The following CPEB1 variants were observed in gnomAD, a reference collection of about 807,000 sequenced individuals.
CPEB1 encodes cytoplasmic polyadenylation element-binding protein 1.
A neutral mutation model predicts 65.8 loss-of-function variants in CPEB1; 7 were observed. The ratio of observed to expected loss-of-function variants is 0.11; its 90% CI spans 0.06 to 0.20. The LOEUF (loss-of-function observed/expected upper bound fraction) is 0.20, where lower values mean the gene tolerates loss of function less well. Among genes scored for constraint, CPEB1 ranks in the 10% least tolerant of loss-of-function variants. The probability of loss-of-function intolerance (pLI) is 1.00; values close to 1 mark genes in which losing one functional copy is unlikely to be tolerated. For missense variants in CPEB1, 551 were observed against 712.2 expected (o/e 0.77, Z 2.58); for synonymous variants, 262 against 260.0 (o/e 1.01, Z -0.08).
intron 1 of CPEB1, among the ~76,000 whole-genome samples, chr15:82,637,309 C>T (rs1430764040): frequency 6.6e-6 from 1 of 152,168 alleles, no homozygotes; most frequent in African/African-American, 2.4e-5. Flanking sequence ...CATTACTATC[C>T]TTTTTCTGCA....
intron 1 of CPEB1, among the ~76,000 whole-genome samples, chr15:82,631,634 A>C (rs776354993): frequency 6.6e-5 from 10 of 152,178 alleles, no homozygotes; most frequent in South Asian, 2.1e-4. Context: ...AGAGGCCACC[A>C]CAGGGATCCT....
intron 1 of CPEB1, among the ~76,000 whole-genome samples, chr15:82,646,826 T>C (rs983844143): frequency 3.9e-5 from 6 of 152,006 alleles, no homozygotes; most frequent in Non-Finnish European, 2.9e-5. Context: ...TGAGGACCCC[T>C]TTGTGGGTGA....
At chr15:82,628,608 G>C (rs2045971339) in intron 1 of CPEB1, 52 bp from the exon 2 acceptor site, 1 of 593,966 alleles carries the variant, frequency 1.7e-6, no homozygotes, top group African/African-American at 1.9e-5. Context: ...CATTTTTACA[G>C]AAATGAAAAA....
chr15:82,562,285 C>A, intron 4 of CPEB1: 1 of 445,566 alleles, frequency 2.2e-6, no homozygotes, highest in Non-Finnish European at 4.5e-6. Context: ...GAAGTCCCTG[C>A]TTTAGGACCT....
chr15:82,606,181 G>A (rs2043568143), intron 3 of CPEB1, among the ~76,000 whole-genome samples: 1 of 151,774 alleles, frequency 6.6e-6, no homozygotes, highest in African/African-American at 2.4e-5. Flanking sequence ...TAAGATGCTA[G>A]TTCCAGCTGG....
At chr15:82,553,316 A>G in intron 8 of CPEB1, 151 bp downstream of exon 8, 1 of 629,942 alleles carries the variant, frequency 1.6e-6, no homozygotes, top group African/African-American at 1.8e-5. Flanking sequence ...GTTGAAGAGA[A>G]AGTGCTGACA....
intron 1 of CPEB1, among the ~76,000 whole-genome samples, chr15:82,643,320 C>G (rs781103936): frequency 3.9e-5 from 6 of 152,150 alleles, no homozygotes; most frequent in Non-Finnish European, 7.4e-5. Flanking sequence ...TCTGAATATG[C>G]TTTTTACTCC....
intron 1 of CPEB1, chr15:82,629,802 T>TA: frequency 1.0e-6 from 1 of 985,438 alleles, no homozygotes. Flanking sequence ...TTTGGCCTAC[T>TA]AAAATCCAAG....
chr15:82,562,318 A>G (rs958863398), intron 4 of CPEB1: 1 of 420,712 alleles, frequency 2.4e-6, no homozygotes, highest in African/African-American at 2.1e-5. Context: ...TCTTAAATCT[A>G]TCTAGGGCCT....
chr15:82,562,635 T>A (rs1470422903), intron 4 of CPEB1, among the ~76,000 whole-genome samples: 2 of 150,078 alleles, frequency 1.3e-5, no homozygotes, highest in East Asian at 2.0e-4. Flanking sequence ...AGACCAGGAG[T>A]TCAAGACCAC....
chr15:82,580,626 GCTT>G (rs1017339609), intron 3 of CPEB1, among the ~76,000 whole-genome samples: 40 of 152,016 alleles, frequency 2.6e-4, no homozygotes, highest in African/African-American at 8.9e-4. Context: ...CACCTCTAGA[GCTT>G]TTTTTACGCT....
intron 3 of CPEB1, among the ~76,000 whole-genome samples, chr15:82,588,923 G>A (rs2042011056): frequency 6.6e-6 from 1 of 152,162 alleles, no homozygotes; most frequent in Non-Finnish European, 1.5e-5. Flanking sequence ...TATCTTTCAT[G>A]TTAATTGTCC....
At chr15:82,586,796 T>C (rs192269262) in intron 3 of CPEB1, among the ~76,000 whole-genome samples, 12 of 152,342 alleles carry the variant, frequency 7.9e-5, no homozygotes, top group Admixed American at 7.2e-4. Context: ...TGCACAGGTG[T>C]GAATTCAAGA....
intron 1 of CPEB1, chr15:82,629,222 C>G: frequency 1.0e-6 from 1 of 978,040 alleles, no homozygotes; most frequent in Non-Finnish European, 1.2e-6. Flanking sequence ...AAAAAGGATA[C>G]CAACTTTTTG....
chr15:82,625,822 A>G (rs1434355799), intron 3 of CPEB1, among the ~76,000 whole-genome samples: 2 of 152,104 alleles, frequency 1.3e-5, no homozygotes, highest in Admixed American at 1.3e-4. Flanking sequence ...TCTTTCATCT[A>G]AAACAACTGA....
At chr15:82,547,536 C>T (rs1198841109) in intron 10 of CPEB1, among the ~76,000 whole-genome samples, 3 of 152,006 alleles carry the variant, frequency 2.0e-5, no homozygotes, top group Admixed American at 6.5e-5. Context: ...CCTTGTGACC[C>T]GCCCGCCTCA....
intron 3 of CPEB1, among the ~76,000 whole-genome samples, chr15:82,602,063 T>C (rs2043165917): frequency 6.6e-6 from 1 of 152,196 alleles, no homozygotes; most frequent in Non-Finnish European, 1.5e-5. Flanking sequence ...TACACTGTCT[T>C]TATAAGTATA....
chr15:82,550,571 C>A (rs1333943387), intron 9 of CPEB1, among the ~76,000 whole-genome samples: 1 of 152,144 alleles, frequency 6.6e-6, no homozygotes, highest in Non-Finnish European at 1.5e-5. Context: ...ATGAGAGGAC[C>A]TGGCAGAAGT....
At chr15:82,561,241 G>T (rs1187415736) in intron 4 of CPEB1, among the ~76,000 whole-genome samples, 1 of 152,178 alleles carries the variant, frequency 6.6e-6, no homozygotes, top group Non-Finnish European at 1.5e-5. Flanking sequence ...AAGACCGATG[G>T]TGATAACTGG....
Sources: gnomAD v4.1 joint callset for allele counts (sites outside exome capture counted in the v4.1 genomes callset) on GRCh38, gnomAD v4.1.1 for gene constraint, MANE v1.5 for transcripts, NCBI Gene and HGNC (gene_info 2026-07-23, HGNC 2026-07-21) for gene names.